SH3GL2: variants seen among roughly 807,000 people sequenced by gnomAD.
SH3GL2 encodes the protein SH3 domain containing GRB2 like 2, endophilin A1.
A neutral mutation model predicts 46.0 loss-of-function variants in SH3GL2; 24 were observed. That is an observed-to-expected ratio of 0.52 (90% confidence interval 0.38 to 0.73). SH3GL2 has a LOEUF of 0.73. Ranked by LOEUF, SH3GL2 falls within the 30% of genes least tolerant of loss-of-function variation. SH3GL2 has a pLI of 0.00. For synonymous variants in SH3GL2, 196 were observed against 147.1 expected (o/e 1.33, Z -2.40); for missense variants, 413 against 424.2 (o/e 0.97, Z 0.23).
Position 17,683,751 on chromosome 9 carries a change from AC to A in SH3GL2, c.46-63314del, listed in dbSNP as rs146001146. 1.8e-4 allele frequency among the ~76,000 whole-genome samples: 28 copies of A among 152,218 alleles called. No individual in the cohort carries two copies. The East Asian group carries it at 4.5e-3, about 24-fold the overall frequency. ...ACATGGAGAAAGACCTCCCTAAGGT[AC>A]AGGCACAAAGGGAAGACCTAAAGCT... On this transcript the variant is annotated intron_variant, in intron 1 of 8. Transcript: ENST00000380607.
Position 17,585,476 on chromosome 9 carries a change from G to T in SH3GL2, c.45+6189G>T, listed in dbSNP as rs558015664. On this transcript the variant is annotated intron_variant, in intron 1 of 8. Transcript: ENST00000380607. ...GTTCAGTGAGGTGTAGCCACAAGAG[G>T]GGACATAGGAGAGGCTCAAGAAAAC... Among the ~76,000 whole-genome samples, 7 of 152,068 alleles carry T rather than the reference G, an allele frequency of 4.6e-5. No homozygotes were observed. The South Asian group carries it at 1.2e-3, about 27-fold the overall frequency.
intron 8 of SH3GL2, among the ~76,000 whole-genome samples, chr9:17,793,760 C>T (rs1344521741): frequency 2.0e-5 from 3 of 152,200 alleles, no homozygotes; most frequent in Non-Finnish European, 2.9e-5. Flanking sequence ...TCAGCACACA[C>T]GAACACATTT....
At position 17,795,530 on chromosome 9, in the gene SH3GL2, G is replaced by A; in HGVS notation, c.860-14G>A. The A allele has an allele frequency of 6.2e-7, 1 of 1,609,352 alleles. No homozygotes were observed. Among genetic ancestry groups the A allele is most frequent in the Non-Finnish European group, 8.5e-7 (1 of 1,175,870 alleles). On this transcript the variant is annotated splice_polypyrimidine_tract_variant and intron_variant, in intron 8 of 8. Coordinates refer to ENST00000380607, the MANE Select transcript of SH3GL2 (RefSeq NM_003026.5). ...CTTTTGTGTTCTTCTCTTCTCTCCT[G>A]CTCTTACTCCCAGGTGTCCAAATGG...
At chr9:17,665,031 G>T (rs1488346193) in intron 1 of SH3GL2, among the ~76,000 whole-genome samples, 2 of 152,028 alleles carry the variant, frequency 1.3e-5, no homozygotes, top group Non-Finnish European at 2.9e-5. Flanking sequence ...ATACTTCCAT[G>T]TGTACTCTTT....
intron 1 of SH3GL2, among the ~76,000 whole-genome samples, chr9:17,596,812 C>G (rs2134556049): frequency 6.6e-6 from 1 of 152,290 alleles, no homozygotes; most frequent in Non-Finnish European, 1.5e-5. Context: ...AACGTAGCCT[C>G]AGTAATGAGA....
chr9:17,757,934 T>C (rs2131146329), intron 2 of SH3GL2, among the ~76,000 whole-genome samples: 1 of 152,290 alleles, frequency 6.6e-6, no homozygotes, highest in Non-Finnish European at 1.5e-5. Flanking sequence ...TCAGCTTGTC[T>C]CTGGCTGACA....
intron 3 of SH3GL2, among the ~76,000 whole-genome samples, chr9:17,773,247 C>T (rs1342419000): frequency 6.6e-6 from 1 of 152,010 alleles, no homozygotes; most frequent in African/African-American, 2.4e-5. Flanking sequence ...ATATTTTCCC[C>T]CATTCTGTGG....
intron 1 of SH3GL2, among the ~76,000 whole-genome samples, chr9:17,680,882 T>TCA: frequency 1.3e-5 from 2 of 152,152 alleles, no homozygotes; most frequent in African/African-American, 4.8e-5. Context: ...TTCATTTCGT[T>TCA]ATGTACCCAG....
intron 1 of SH3GL2, among the ~76,000 whole-genome samples, chr9:17,623,175 T>A (rs1819196992): frequency 6.6e-6 from 1 of 151,602 alleles, no homozygotes; most frequent in Non-Finnish European, 1.5e-5. Flanking sequence ...CCCTTGTCCT[T>A]CCATCGGAGT....
chr9:17,745,921 T>C (rs142763661), intron 1 of SH3GL2, among the ~76,000 whole-genome samples: 5 of 152,290 alleles, frequency 3.3e-5, no homozygotes, highest in African/African-American at 9.6e-5. Flanking sequence ...GGGAAAAGCA[T>C]CTATCTTTAC....
intron 1 of SH3GL2, among the ~76,000 whole-genome samples, chr9:17,698,278 A>AT (rs1252466841): frequency 1.3e-5 from 2 of 152,146 alleles, no homozygotes; most frequent in Non-Finnish European, 2.9e-5. Context: ...CTGCCTCTGA[A>AT]TTTCTGACTC....
At chr9:17,606,838 A>G (rs1167302015) in intron 1 of SH3GL2, among the ~76,000 whole-genome samples, 1 of 152,188 alleles carries the variant, frequency 6.6e-6, no homozygotes, top group Non-Finnish European at 1.5e-5. Flanking sequence ...TATTTTGGCT[A>G]GCTTCACTCT....
intron 1 of SH3GL2, among the ~76,000 whole-genome samples, chr9:17,635,354 T>C (rs927577418): frequency 7.9e-5 from 12 of 152,230 alleles, no homozygotes; most frequent in Admixed American, 1.3e-4. Context: ...ATGTTGTATA[T>C]GTACCACATT....
intron 3 of SH3GL2, among the ~76,000 whole-genome samples, chr9:17,778,793 C>A (rs895900587): frequency 6.6e-6 from 1 of 152,056 alleles, no homozygotes; most frequent in African/African-American, 2.4e-5. Context: ...AATTTGCTGA[C>A]TAATTGCATA....
chr9:17,686,651 A>G (rs928144055), intron 1 of SH3GL2, among the ~76,000 whole-genome samples: 4 of 96,198 alleles, frequency 4.2e-5, no homozygotes, highest in Non-Finnish European at 5.7e-5. Flanking sequence ...GACATGGATG[A>G]AATTGGAAAT....
intron 1 of SH3GL2, among the ~76,000 whole-genome samples, chr9:17,690,121 C>T (rs1440072871): frequency 6.6e-6 from 1 of 152,014 alleles, no homozygotes; most frequent in African/African-American, 2.4e-5. Flanking sequence ...ACTTTGTTTC[C>T]CTTCTGGATT....
At chr9:17,751,843 G>A (rs1403487624) in intron 2 of SH3GL2, among the ~76,000 whole-genome samples, 2 of 151,588 alleles carry the variant, frequency 1.3e-5, no homozygotes, top group Non-Finnish European at 2.9e-5. Context: ...GGAGCATTGT[G>A]CTAAGACACA....
At chr9:17,762,499 A>G (rs1477597082) in intron 3 of SH3GL2, among the ~76,000 whole-genome samples, 1 of 151,900 alleles carries the variant, frequency 6.6e-6, no homozygotes, top group African/African-American at 2.4e-5. Flanking sequence ...TGCTGGCTGC[A>G]GCTTCCTTCC....
At chr9:17,688,091 C>G (rs1174562574) in intron 1 of SH3GL2, among the ~76,000 whole-genome samples, 1 of 152,084 alleles carries the variant, frequency 6.6e-6, no homozygotes, top group East Asian at 1.9e-4. Flanking sequence ...TTTCCAGTCT[C>G]TGTCTACTTA....
Sources: gnomAD v4.1 joint callset for allele counts (sites outside exome capture counted in the v4.1 genomes callset) on GRCh38, gnomAD v4.1.1 for gene constraint, MANE v1.5 for transcripts, NCBI Gene and HGNC (gene_info 2026-07-23, HGNC 2026-07-21) for gene names.